FRYL: variants seen among roughly 807,000 people sequenced by gnomAD.
FRYL encodes the protein protein furry homolog-like.
In FRYL, 150 loss-of-function variants were observed where a neutral mutation model predicts 351.2. That is an observed-to-expected ratio of 0.43 (90% CI 0.37 to 0.49). FRYL has a LOEUF of 0.49. Ranked by LOEUF, FRYL falls within the 20% of genes least tolerant of loss-of-function variation. The pLI is 0.00. For missense variants in FRYL, 3,036 were observed against 3,619.3 expected, an observed-to-expected ratio of 0.84 and a Z score of 4.13; for synonymous variants, 1,153 against 1,257.1, an observed-to-expected ratio of 0.92 and a Z score of 1.75.
intron 3 of FRYL, among the ~76,000 whole-genome samples, chr4:48,647,411 T>A (rs1192011623): frequency 6.6e-6 from 1 of 152,240 alleles, no homozygotes. Flanking sequence ...CTCAGTCACC[T>A]GGCCCATTTG....
intron 2 of FRYL, among the ~76,000 whole-genome samples, chr4:48,689,201 GTCA>G (rs1765462017): frequency 6.6e-6 from 1 of 152,110 alleles, no homozygotes; most frequent in Non-Finnish European, 1.5e-5. Flanking sequence ...AGCAGTTATT[GTCA>G]TATTACTTGA....
At chr4:48,760,065 T>G (rs1264679188) in intron 1 of FRYL, among the ~76,000 whole-genome samples, 3 of 152,198 alleles carry the variant, frequency 2.0e-5, no homozygotes, top group Non-Finnish European at 4.4e-5. Context: ...AATCTAAGGC[T>G]ACCCATGGTA....
intron 50 of FRYL, among the ~76,000 whole-genome samples, chr4:48,530,201 T>C (rs1341906475): frequency 6.6e-6 from 1 of 152,190 alleles, no homozygotes; most frequent in East Asian, 1.9e-4. Flanking sequence ...TGTTCCTGCA[T>C]TCCCACTCTC....
In FRYL at chr4:48,534,692, A is replaced by G; in HGVS notation, c.6565-7T>C. 6.7e-7 allele frequency: 1 copy of G among 1,491,960 alleles called. No individual in the cohort carries two copies. The allele number at this position is 1,491,960 out of a possible 1,614,324, so 92.4% of individuals were successfully genotyped here. A position where few individuals can be genotyped will look rare whatever the true frequency, so the allele number is the denominator to read the frequency against. On this transcript the variant is annotated splice_region_variant and splice_polypyrimidine_tract_variant and intron_variant, in intron 48 of 63. Transcript: ENST00000358350. ...ACAATCCTTTCTCTAACAGCTAAAA[A>G]TAATGTTAAAAGTAATATTAAAGTA...
At chr4:48,768,655 T>C (rs1242269144) in intron 1 of FRYL, among the ~76,000 whole-genome samples, 2 of 151,878 alleles carry the variant, frequency 1.3e-5, no homozygotes, top group East Asian at 1.9e-4. Context: ...ATACAAAAAT[T>C]AGCCGGGTGT....
At chr4:48,713,440 T>C (rs551277030) in intron 1 of FRYL, among the ~76,000 whole-genome samples, 15 of 151,454 alleles carry the variant, frequency 9.9e-5, no homozygotes, top group Admixed American at 3.9e-4. Context: ...ACCAAGCAAA[T>C]GGAAAACAAA....
chr4:48,730,659 T>G (rs1276403839), intron 1 of FRYL, among the ~76,000 whole-genome samples: 2 of 152,084 alleles, frequency 1.3e-5, no homozygotes, highest in Non-Finnish European at 2.9e-5. Flanking sequence ...AGAAATAAAA[T>G]CCTTTACAGA....
At chr4:48,756,415 T>C (rs567200069) in intron 1 of FRYL, among the ~76,000 whole-genome samples, 3 of 152,254 alleles carry the variant, frequency 2.0e-5, no homozygotes, top group South Asian at 4.1e-4. Context: ...ATGACCTCTA[T>C]TTTGCCCTTC....
chr4:48,744,205 G>A (rs1457750371), intron 1 of FRYL, among the ~76,000 whole-genome samples: 1 of 152,052 alleles, frequency 6.6e-6, no homozygotes, highest in Non-Finnish European at 1.5e-5. Context: ...GATATAAATG[G>A]TCTAAAATTA....
intron 41 of FRYL, 51 bp from the exon 42 acceptor site, chr4:48,546,322 A>G: frequency 7.3e-7 from 1 of 1,366,754 alleles, no homozygotes; most frequent in Non-Finnish European, 1.0e-6. Context: ...GAATCTCACA[A>G]AATACCTATA....
chr4:48,654,914 T>C (rs1278398358), intron 3 of FRYL, among the ~76,000 whole-genome samples: 1 of 152,232 alleles, frequency 6.6e-6, no homozygotes, highest in East Asian at 1.9e-4. Context: ...TTACTGTGAC[T>C]TTGAAGGTCA....
intron 1 of FRYL, among the ~76,000 whole-genome samples, chr4:48,760,146 A>C (rs1774248601): frequency 1.3e-5 from 2 of 151,474 alleles, no homozygotes; most frequent in African/African-American, 4.8e-5. Context: ...ACCCTTCATC[A>C]GTCTATTTCT....
chr4:48,555,829 T>C (rs992022427), intron 35 of FRYL, among the ~76,000 whole-genome samples: 1 of 152,274 alleles, frequency 6.6e-6, no homozygotes, highest in Non-Finnish European at 1.5e-5. Flanking sequence ...TGGGGAATGC[T>C]GAGTAAAGCA....
chr4:48,694,468 T>C (rs1311449495), intron 2 of FRYL, among the ~76,000 whole-genome samples: 3 of 152,032 alleles, frequency 2.0e-5, no homozygotes, highest in Admixed American at 6.6e-5. Flanking sequence ...AGCTACGTTT[T>C]GTATTTTTAG....
intron 3 of FRYL, among the ~76,000 whole-genome samples, chr4:48,662,759 C>A (rs1371136705): frequency 7.3e-5 from 3 of 41,328 alleles, no homozygotes; most frequent in South Asian, 1.6e-3. Flanking sequence ...GATCTCATCT[C>A]CTGAAGAAAA....
chr4:48,594,108 GT>G, intron 15 of FRYL, 92 bp from the exon 16 acceptor site: 1 of 683,372 alleles, frequency 1.5e-6, no homozygotes, highest in South Asian at 2.5e-5. Flanking sequence ...AACAAGACAG[GT>G]TTGTGCCCTT....
intron 59 of FRYL, among the ~76,000 whole-genome samples, chr4:48,507,758 A>G (rs889708405): frequency 1.3e-5 from 2 of 152,156 alleles, no homozygotes; most frequent in Non-Finnish European, 2.9e-5. Flanking sequence ...TTGAGGGCCA[A>G]TATCCTGGAG....
At chr4:48,611,524 C>A (rs1329499851) in intron 7 of FRYL, among the ~76,000 whole-genome samples, 1 of 151,762 alleles carries the variant, frequency 6.6e-6, no homozygotes, top group East Asian at 1.9e-4. Flanking sequence ...CAAAATCATA[C>A]CATCTTTTTA....
intron 9 of FRYL, among the ~76,000 whole-genome samples, chr4:48,608,523 T>C (rs1006502560): frequency 3.3e-5 from 5 of 152,208 alleles, no homozygotes; most frequent in Admixed American, 6.5e-5. Flanking sequence ...ACAGTTTTAA[T>C]TGAGTAATCT....
Sources: gnomAD v4.1 joint callset for allele counts (sites outside exome capture counted in the v4.1 genomes callset) on GRCh38, gnomAD v4.1.1 for gene constraint, MANE v1.5 for transcripts, NCBI Gene and HGNC (gene_info 2026-07-23, HGNC 2026-07-21) for gene names.